Variants in SETBP1 observed in about 807,000 individuals in gnomAD.
SETBP1 encodes SET-binding protein.
A neutral mutation model predicts 101.0 loss-of-function variants in SETBP1; 9 were observed. The ratio of observed to expected loss-of-function variants is 0.09; its 90% confidence interval spans 0.05 to 0.16. The LOEUF (loss-of-function observed/expected upper bound fraction) is 0.16. SETBP1 is among the 10% of genes least tolerant of loss of function. SETBP1 has a pLI of 1.00. For missense variants in SETBP1, 1,858 were observed against 2,033.8 expected (o/e 0.91, Z 1.66); for synonymous variants, 818 against 788.5 (o/e 1.04, Z -0.63).
At chr18:45,009,315 A>T (rs1420118631) in intron 4 of SETBP1, among the ~76,000 whole-genome samples, 1 of 150,766 alleles carries the variant, frequency 6.6e-6, no homozygotes, top group African/African-American at 2.4e-5. Flanking sequence ...GCCTTGGAGA[A>T]ATGGCCTCCA....
At chr18:44,784,567 A>T (rs2071198804) in intron 2 of SETBP1, among the ~76,000 whole-genome samples, 1 of 152,082 alleles carries the variant, frequency 6.6e-6, no homozygotes, top group African/African-American at 2.4e-5. Context: ...TATTTCCTTC[A>T]TAGGATTTAT....
intron 4 of SETBP1, among the ~76,000 whole-genome samples, chr18:45,012,104 C>T (rs1424133120): frequency 6.6e-6 from 1 of 152,156 alleles, no homozygotes; most frequent in Non-Finnish European, 1.5e-5. Flanking sequence ...TGATACAATG[C>T]AGTCAGGATT....
At chr18:44,976,817 C>A (rs910234952) in intron 4 of SETBP1, among the ~76,000 whole-genome samples, 2 of 152,130 alleles carry the variant, frequency 1.3e-5, no homozygotes, top group African/African-American at 4.8e-5. Context: ...GGAGTGACTT[C>A]ATAGAAGATG....
intron 4 of SETBP1, among the ~76,000 whole-genome samples, chr18:45,028,018 A>C (rs143092377): frequency 0.012 from 1,874 of 151,430 alleles, 73 homozygotes; most frequent in Admixed American, 0.078. Context: ...ATTTTATTTT[A>C]TTATTATTAT....
intron 3 of SETBP1, among the ~76,000 whole-genome samples, chr18:44,896,834 C>A (rs1467124083): frequency 6.6e-6 from 1 of 152,128 alleles, no homozygotes; most frequent in Non-Finnish European, 1.5e-5. Flanking sequence ...TTGATAACCA[C>A]CATTATTTGT....
intron 4 of SETBP1, among the ~76,000 whole-genome samples, chr18:44,980,562 T>G (rs1413580505): frequency 6.6e-6 from 1 of 151,950 alleles, no homozygotes; most frequent in Non-Finnish European, 1.5e-5. Context: ...AGCCCCGACC[T>G]CCCGTGCCTC....
intron 4 of SETBP1, among the ~76,000 whole-genome samples, chr18:45,004,092 T>C (rs1274353476): frequency 1.3e-5 from 2 of 152,254 alleles, no homozygotes; most frequent in African/African-American, 4.8e-5. Context: ...TTATCTCATC[T>C]AAATGTCAGG....
chr18:44,909,466 G>T (rs968032945), intron 3 of SETBP1, among the ~76,000 whole-genome samples: 2 of 152,172 alleles, frequency 1.3e-5, no homozygotes, highest in African/African-American at 4.8e-5. Context: ...AAGGTCCAAG[G>T]CTCTGAGGTT....
chr18:44,699,170 G>A (rs184512563), intron 1 of SETBP1, among the ~76,000 whole-genome samples: 29 of 152,242 alleles, frequency 1.9e-4, no homozygotes, highest in African/African-American at 6.7e-4. Context: ...CCTGACCTGG[G>A]GAGATTTTAT....
At chr18:44,941,833 T>C (rs79541771) in intron 3 of SETBP1, among the ~76,000 whole-genome samples, 17,611 of 152,066 alleles carry the variant, frequency 0.12, 1,188 homozygotes, top group East Asian at 0.28. Context: ...AGTGTAGTCG[T>C]TGCGATCCTG....
At chr18:44,860,132 T>A (rs2068970725) in intron 2 of SETBP1, among the ~76,000 whole-genome samples, 3 of 152,164 alleles carry the variant, frequency 2.0e-5, no homozygotes, top group Non-Finnish European at 4.4e-5. Context: ...AGTGAGCAGA[T>A]CATCTGGTCA....
intron 2 of SETBP1, among the ~76,000 whole-genome samples, chr18:44,746,049 C>G (rs559773758): frequency 2.0e-4 from 30 of 152,232 alleles, no homozygotes; most frequent in African/African-American, 7.0e-4. Flanking sequence ...AGGGGTCACT[C>G]TGCCACTCTG....
At chr18:44,937,305 A>T (rs1307281288) in intron 3 of SETBP1, among the ~76,000 whole-genome samples, 2 of 151,728 alleles carry the variant, frequency 1.3e-5, no homozygotes, top group African/African-American at 2.4e-5. Context: ...ACAAAAAAAA[A>T]TTAGCCGGGC....
At chr18:44,809,279 C>G (rs1465416900) in intron 2 of SETBP1, among the ~76,000 whole-genome samples, 1 of 152,166 alleles carries the variant, frequency 6.6e-6, no homozygotes, top group East Asian at 1.9e-4. Flanking sequence ...AATAAGCTGA[C>G]CCCAAGCATT....
chr18:44,770,175 A>G (rs2070842892), intron 2 of SETBP1, among the ~76,000 whole-genome samples: 1 of 152,212 alleles, frequency 6.6e-6, no homozygotes, highest in Non-Finnish European at 1.5e-5. Flanking sequence ...CTGATAACTG[A>G]TATGTTAATG....
chr18:44,940,180 T>C (rs2071054745), intron 3 of SETBP1, among the ~76,000 whole-genome samples: 1 of 152,212 alleles, frequency 6.6e-6, no homozygotes, highest in Admixed American at 6.5e-5. Context: ...CTTACATTAA[T>C]AAAATCATTA....
At chr18:44,937,898 A>G (rs1009550496) in intron 3 of SETBP1, among the ~76,000 whole-genome samples, 4 of 152,122 alleles carry the variant, frequency 2.6e-5, no homozygotes, top group African/African-American at 9.7e-5. Flanking sequence ...CCCGTCCCAT[A>G]GTTGAAGTGT....
chr18:45,004,519 T>G (rs1382696524), intron 4 of SETBP1, among the ~76,000 whole-genome samples: 2 of 152,214 alleles, frequency 1.3e-5, no homozygotes, highest in Non-Finnish European at 2.9e-5. Flanking sequence ...CTGTTTATCT[T>G]ACCTGTGAGG....
chr18:44,803,077 C>T (rs746219735), intron 2 of SETBP1, among the ~76,000 whole-genome samples: 18 of 152,102 alleles, frequency 1.2e-4, no homozygotes, highest in African/African-American at 3.4e-4. Flanking sequence ...GAGAAGGTCT[C>T]GGGAGAGAAC....
Sources: allele counts gnomAD v4.1 joint callset (sites outside exome capture counted in the v4.1 genomes callset), GRCh38; gene constraint gnomAD v4.1.1; transcripts MANE v1.5; gene names NCBI Gene and HGNC (gene_info 2026-07-23, HGNC 2026-07-21).